MPZL1: variants seen among roughly 807,000 people sequenced by gnomAD.
The protein encoded by MPZL1 is myelin protein zero like 1.
Under a neutral mutation model 29.3 loss-of-function variants are expected in MPZL1, and 16 were observed. The ratio of observed to expected loss-of-function variants is 0.55; its 90% CI spans 0.37 to 0.83. The LOEUF (loss-of-function observed/expected upper bound fraction) is 0.83. Among genes scored for constraint, MPZL1 ranks in the 40% least tolerant of loss-of-function variants. The probability of loss-of-function intolerance (pLI) is 0.00; values close to 1 mark genes in which losing one functional copy is unlikely to be tolerated. For synonymous variants in MPZL1, 143 were observed against 132.0 expected, an observed-to-expected ratio of 1.08 and a Z score of -0.57; for missense variants, 279 against 332.9, an observed-to-expected ratio of 0.84 and a Z score of 1.26.
intron 5 of MPZL1, 58 bp from the exon 6 acceptor site, chr1:167,787,762 T>C: frequency 7.8e-7 from 1 of 1,281,634 alleles, no homozygotes; most frequent in Non-Finnish European, 1.1e-6. Flanking sequence ...TCTATGCCTG[T>C]AGCTGAAGGA....
chr1:167,753,456 G>T (rs948127690), intron 1 of MPZL1, among the ~76,000 whole-genome samples: 1 of 152,134 alleles, frequency 6.6e-6, no homozygotes, highest in South Asian at 2.1e-4. Context: ...CATTAAAAAC[G>T]TGTCCAAAGG....
intron 1 of MPZL1, among the ~76,000 whole-genome samples, chr1:167,760,783 G>C (rs4656557): frequency 0.027 from 3,909 of 147,116 alleles, 83 homozygotes; most frequent in Non-Finnish European, 0.03. Flanking sequence ...GTGTGTGTGT[G>C]TGTGTGTGTG....
At chr1:167,739,310 C>CATAT (rs68082264) in intron 1 of MPZL1, among the ~76,000 whole-genome samples, 1 of 101,374 alleles carries the variant, frequency 9.9e-6, no homozygotes, top group African/African-American at 5.0e-5. Flanking sequence ...TATATATATA[C>CATAT]ACATATATAT....
Position 167,772,443 on chromosome 1 carries a change from A to C in MPZL1, c.427A>C (p.Ile143Leu). ...YICDVKNPPD[I>L]VVQPGHIRLY... ...CTGTGATGTCAAAAACCCTCCTGACATCGTTGTCCAGCCTGGACACATTAG... is the reference window on the plus strand; with the variant it reads ...CTGTGATGTCAAAAACCCTCCTGACCTCGTTGTCCAGCCTGGACACATTAG... Residue 143 changes from isoleucine to leucine, a missense_variant, in exon 3 of 6, where the codon ATC becomes CTC. Ile to Leu is a conservative substitution (Grantham distance 5). Coordinates refer to ENST00000359523, the MANE Select transcript of MPZL1 (RefSeq NM_003953.6). The C allele has an allele frequency of 6.2e-7, 1 of 1,614,202 alleles. No individual in the cohort carries two copies. Among genetic ancestry groups the C allele is most frequent in the Non-Finnish European group, 8.5e-7 (1 of 1,180,030 alleles).
At position 167,788,912 on chromosome 1, in the gene MPZL1, A is replaced by G. The variant is rs1287093659; in HGVS notation, c.*991A>G. 7.0e-6 allele frequency: 1 copy of G among 143,584 alleles called. No individual in the cohort carries two copies. The highest frequency in any genetic ancestry group is 1.5e-5 in the Non-Finnish European group (1 of 66,736). The allele number at this position is 143,584 out of a possible 1,614,324, so 8.9% of individuals were successfully genotyped here. On this transcript the variant is annotated 3_prime_UTR_variant, in exon 6 of 6. Coordinates refer to ENST00000359523, the MANE Select transcript of MPZL1 (RefSeq NM_003953.6). ...TTTTTTTTTGAGGTAGAGTCTCACT[A>G]TGTTGCCCAGACTAGCCTTGAACTC...
chr1:167,735,143 CT>C (rs1298570491), intron 1 of MPZL1, among the ~76,000 whole-genome samples: 3 of 152,212 alleles, frequency 2.0e-5, no homozygotes, highest in Non-Finnish European at 4.4e-5. Flanking sequence ...TCATCCATTT[CT>C]TTTCTCACTT....
chr1:167,725,079 G>C (rs1660113584), intron 1 of MPZL1, among the ~76,000 whole-genome samples: 1 of 152,238 alleles, frequency 6.6e-6, no homozygotes, highest in African/African-American at 2.4e-5. Flanking sequence ...ATCCATGTCA[G>C]TAAATGGAAC....
intron 5 of MPZL1, 82 bp from the exon 6 acceptor site, chr1:167,787,738 C>T (rs769147865): frequency 3.3e-5 from 34 of 1,017,256 alleles, no homozygotes; most frequent in South Asian, 1.5e-4. Context: ...GATGTGATCA[C>T]GTTAATCATT....
chr1:167,751,396 G>C (rs1044444634), intron 1 of MPZL1, among the ~76,000 whole-genome samples: 18 of 152,134 alleles, frequency 1.2e-4, no homozygotes, highest in African/African-American at 4.3e-4. Flanking sequence ...TGCGCCGGGC[G>C]CGGTGGCTCA....
intron 1 of MPZL1, among the ~76,000 whole-genome samples, chr1:167,724,306 G>A (rs1000601190): frequency 3.3e-5 from 5 of 152,204 alleles, no homozygotes; most frequent in African/African-American, 1.2e-4. Flanking sequence ...TGAGGCAGGA[G>A]AGCCTGCCAA....
At chr1:167,748,067 C>A (rs926943046) in intron 1 of MPZL1, among the ~76,000 whole-genome samples, 1 of 152,074 alleles carries the variant, frequency 6.6e-6, no homozygotes, top group East Asian at 1.9e-4. Context: ...TATTTCATTT[C>A]TTTTTATAGC....
chr1:167,727,225 G>C (rs1344301907), intron 1 of MPZL1, among the ~76,000 whole-genome samples: 1 of 152,128 alleles, frequency 6.6e-6, no homozygotes, highest in Non-Finnish European at 1.5e-5. Context: ...AGTAGATGCT[G>C]GTCTACCTAC....
At chr1:167,736,324 T>G (rs1660377522) in intron 1 of MPZL1, among the ~76,000 whole-genome samples, 1 of 152,160 alleles carries the variant, frequency 6.6e-6, no homozygotes, top group South Asian at 2.1e-4. Context: ...CTATAGGCAT[T>G]CAATACGTAT....
At chr1:167,784,170 T>G (rs1661546347) in intron 5 of MPZL1, among the ~76,000 whole-genome samples, 2 of 152,202 alleles carry the variant, frequency 1.3e-5, no homozygotes, top group Non-Finnish European at 2.9e-5. Context: ...TAATTAATTT[T>G]GGTACAAGTA....
intron 1 of MPZL1, among the ~76,000 whole-genome samples, chr1:167,763,963 T>TG (rs1288929752): frequency 6.6e-6 from 1 of 152,160 alleles, no homozygotes; most frequent in Non-Finnish European, 1.5e-5. Context: ...TTGGGAGGAA[T>TG]GGGGGAGTAC....
At chr1:167,776,823 G>T (rs1387667153) in intron 5 of MPZL1, among the ~76,000 whole-genome samples, 1 of 152,154 alleles carries the variant, frequency 6.6e-6, no homozygotes, top group East Asian at 1.9e-4. Flanking sequence ...TGATTTTTCT[G>T]GGGTAGAAAG....
At chr1:167,747,222 C>A (rs1446442008) in intron 1 of MPZL1, among the ~76,000 whole-genome samples, 2 of 152,188 alleles carry the variant, frequency 1.3e-5, no homozygotes, top group Non-Finnish European at 2.9e-5. Context: ...TTTCTAATTT[C>A]ATTCCCTTTT....
intron 1 of MPZL1, among the ~76,000 whole-genome samples, chr1:167,741,976 T>G (rs577993078): frequency 1.8e-4 from 28 of 152,062 alleles, no homozygotes; most frequent in Admixed American, 3.9e-4. Context: ...GAGGGTGAAG[T>G]GAGCCATGAT....
At chr1:167,749,655 A>G (rs1488335545) in intron 1 of MPZL1, among the ~76,000 whole-genome samples, 3 of 152,234 alleles carry the variant, frequency 2.0e-5, no homozygotes, top group Non-Finnish European at 4.4e-5. Context: ...AGTCAGTGTG[A>G]TATCACAAAA....
Sources: gnomAD v4.1 joint callset for allele counts (sites outside exome capture counted in the v4.1 genomes callset) on GRCh38, gnomAD v4.1.1 for gene constraint, MANE v1.5 for transcripts, NCBI Gene and HGNC (gene_info 2026-07-23, HGNC 2026-07-21) for gene names.